The following GPR137C variants were observed in gnomAD, a reference collection of about 807,000 sequenced individuals.
The protein encoded by GPR137C is integral membrane protein GPR137C.
A neutral mutation model predicts 43.4 loss-of-function variants in GPR137C; 27 were observed. The ratio of observed to expected loss-of-function variants is 0.62; its 90% CI spans 0.46 to 0.86. GPR137C has a LOEUF of 0.86. Ranked by LOEUF, GPR137C falls within the 40% of genes least tolerant of loss-of-function variation. The pLI, the probability that GPR137C is intolerant of heterozygous loss-of-function variation, is 0.00. For synonymous variants in GPR137C, 285 were observed against 226.9 expected (o/e 1.26, Z -2.30); for missense variants, 522 against 534.6 (o/e 0.98, Z 0.23).
chr14:52,587,525 C>G (rs1220204889), intron 1 of GPR137C, among the ~76,000 whole-genome samples: 1 of 152,180 alleles, frequency 6.6e-6, no homozygotes, highest in African/African-American at 2.4e-5. Context: ...AATCCCAGTA[C>G]TTTGGGAGGC....
chr14:52,619,221 G>A (rs187863634), intron 3 of GPR137C, among the ~76,000 whole-genome samples: 9 of 152,010 alleles, frequency 5.9e-5, no homozygotes, highest in Admixed American at 1.3e-4. Flanking sequence ...TACAGCTAAC[G>A]CAATGGTTTA....
chr14:52,597,032 C>T lies in GPR137C; in HGVS notation c.445-1240C>T, dbSNP rs151246097. On this transcript the variant is annotated intron_variant, in intron 1 of 6. Coordinates refer to ENST00000321662, the MANE Select transcript of GPR137C (RefSeq NM_001099652.2). ...CAGAACATATATCTCTGTCATTAAG[C>T]GACACGTGGCTGTACAGTAGGTATG... 221 of 455,072 alleles carry T rather than the reference C, an allele frequency of 4.9e-4. No homozygotes were observed. In the East Asian group the frequency reaches 0.013, roughly 26 times the overall value. The allele number at this position is 455,072 out of a possible 1,614,324, so 28.2% of individuals were successfully genotyped here.
Position 52,608,916 on chromosome 14 carries a change from A to T in GPR137C, c.717+8575A>T, listed in dbSNP as rs543262259. 2.0e-5 allele frequency among the ~76,000 whole-genome samples: 3 copies of T among 152,140 alleles called. No homozygotes were observed. The East Asian group carries it at 5.8e-4, about 29-fold the overall frequency. ...TATGTCTTAGAGTATCTTTACTTGG[A>T]CTGACTCTGATTGGTGACCTTTGAC... On this transcript the variant is annotated intron_variant, in intron 3 of 6. Coordinates refer to ENST00000321662, the MANE Select transcript of GPR137C (RefSeq NM_001099652.2).
intron 1 of GPR137C, among the ~76,000 whole-genome samples, chr14:52,590,578 C>CA (rs1277289589): frequency 6.6e-6 from 1 of 152,174 alleles, no homozygotes; most frequent in East Asian, 1.9e-4. Flanking sequence ...GTGCCCTATA[C>CA]AAGTGCACCA....
At chr14:52,587,957 ATAAT>A (rs892515252) in intron 1 of GPR137C, among the ~76,000 whole-genome samples, 6 of 152,192 alleles carry the variant, frequency 3.9e-5, no homozygotes, top group African/African-American at 1.2e-4. Flanking sequence ...CTCCATCATA[ATAAT>A]TTATTCAGGT....
At chr14:52,568,802 T>A (rs2038415535) in intron 1 of GPR137C, among the ~76,000 whole-genome samples, 1 of 152,184 alleles carries the variant, frequency 6.6e-6, no homozygotes, top group South Asian at 2.1e-4. Flanking sequence ...AGTCAGGGGC[T>A]TATAGAGAAA....
chr14:52,600,098 C>CTTTTTTT lies in GPR137C; in HGVS notation c.489-14_489-8dup, dbSNP rs752356089. ...ATTAGTTATATAACCATCTAATATA[C>CTTTTTTT]TTTTTTTCTTTCAGAATTCTACTGC... On this transcript the variant is annotated splice_polypyrimidine_tract_variant and intron_variant, in intron 2 of 6. Coordinates refer to ENST00000321662, the MANE Select transcript of GPR137C (RefSeq NM_001099652.2). 6.4e-7 allele frequency: 1 copy of CTTTTTTT among 1,559,744 alleles called. No individual in the cohort carries two copies. The highest frequency in any genetic ancestry group is 1.4e-5 in the African/African-American group (1 of 73,722).
At chr14:52,587,391 T>C (rs1306671714) in intron 1 of GPR137C, among the ~76,000 whole-genome samples, 3 of 152,186 alleles carry the variant, frequency 2.0e-5, no homozygotes, top group Admixed American at 2.0e-4. Context: ...TATCTGGCCA[T>C]AAAACATAGT....
intron 3 of GPR137C, among the ~76,000 whole-genome samples, chr14:52,629,882 G>A (rs2039275032): frequency 6.6e-6 from 1 of 152,184 alleles, no homozygotes; most frequent in South Asian, 2.1e-4. Flanking sequence ...GTTTAGGAGT[G>A]AGGTGTAACT....
chr14:52,569,357 A>T (rs1395268702), intron 1 of GPR137C, among the ~76,000 whole-genome samples: 1 of 150,706 alleles, frequency 6.6e-6, no homozygotes, highest in Non-Finnish European at 1.5e-5. Context: ...AAAGGCTGAA[A>T]ATTCCAAAAA....
intron 1 of GPR137C, among the ~76,000 whole-genome samples, chr14:52,553,792 G>T (rs1056132140): frequency 6.6e-6 from 1 of 152,182 alleles, no homozygotes; most frequent in Non-Finnish European, 1.5e-5. Context: ...GATTACTGAG[G>T]GGTTCGGGCT....
intron 3 of GPR137C, among the ~76,000 whole-genome samples, chr14:52,626,934 C>G (rs191825333): frequency 6.6e-6 from 1 of 152,092 alleles, no homozygotes; most frequent in East Asian, 1.9e-4. Flanking sequence ...ATACTGAAAA[C>G]TACAAAATAC....
intron 3 of GPR137C, among the ~76,000 whole-genome samples, chr14:52,625,708 C>T (rs549507566): frequency 2.6e-3 from 392 of 151,582 alleles, no homozygotes; most frequent in Middle Eastern, 0.017. Context: ...GCACCCGCCA[C>T]CATGCCCGGC....
chr14:52,619,906 A>G (rs1048450808), intron 3 of GPR137C, among the ~76,000 whole-genome samples: 6 of 152,094 alleles, frequency 3.9e-5, no homozygotes, highest in African/African-American at 1.4e-4. Flanking sequence ...TAATTTCAAA[A>G]TGGAAATAGT....
intron 1 of GPR137C, among the ~76,000 whole-genome samples, chr14:52,574,292 A>G (rs1249320989): frequency 6.6e-6 from 1 of 152,220 alleles, no homozygotes; most frequent in African/African-American, 2.4e-5. Flanking sequence ...GGCACTGTTC[A>G]CATTAGCAAA....
chr14:52,605,555 T>C (rs149798993), intron 3 of GPR137C, among the ~76,000 whole-genome samples: 111 of 152,314 alleles, frequency 7.3e-4, no homozygotes, highest in African/African-American at 2.6e-3. Flanking sequence ...TCTTGCCTAA[T>C]TGCTCTGGCT....
chr14:52,582,796 AAAAT>A (rs139421791), intron 1 of GPR137C, among the ~76,000 whole-genome samples: 5,847 of 152,230 alleles, frequency 0.038, 358 homozygotes, highest in African/African-American at 0.13. Context: ...TCTGTCTCCA[AAAAT>A]AAATAAATAA....
At chr14:52,554,236 C>T (rs542453395) in intron 1 of GPR137C, among the ~76,000 whole-genome samples, 95 of 152,286 alleles carry the variant, frequency 6.2e-4, no homozygotes, top group African/African-American at 2.2e-3. Context: ...GCCCCAGTTG[C>T]TTCGTGCTTT....
chr14:52,566,457 T>G (rs2038371766), intron 1 of GPR137C, among the ~76,000 whole-genome samples: 2 of 152,200 alleles, frequency 1.3e-5, no homozygotes, highest in South Asian at 4.1e-4. Flanking sequence ...AGGAGCCCCT[T>G]GTATTTTTTC....
Sources: allele counts gnomAD v4.1 joint callset (sites outside exome capture counted in the v4.1 genomes callset), GRCh38; gene constraint gnomAD v4.1.1; transcripts MANE v1.5; gene names NCBI Gene and HGNC (gene_info 2026-07-23, HGNC 2026-07-21).